NCAM2: variants seen among roughly 807,000 people sequenced by gnomAD.
The protein encoded by NCAM2 is N-CAM-2.
Under a neutral mutation model 98.1 loss-of-function variants are expected in NCAM2, and 30 were observed. The observed-to-expected ratio is 0.31, with a 90% CI of 0.23 to 0.41. The LOEUF (loss-of-function observed/expected upper bound fraction) is 0.41. Ranked by LOEUF, NCAM2 falls within the 10% of genes least tolerant of loss-of-function variation. The pLI is 1.00. For synonymous variants in NCAM2, 368 were observed against 342.4 expected, an observed-to-expected ratio of 1.07 and a Z score of -0.83; for missense variants, 867 against 1,005.8, an observed-to-expected ratio of 0.86 and a Z score of 1.87.
intron 1 of NCAM2, among the ~76,000 whole-genome samples, chr21:21,118,387 T>A (rs971484052): frequency 6.6e-6 from 1 of 152,102 alleles, no homozygotes; most frequent in Non-Finnish European, 1.5e-5. Context: ...AGTGCCTTAG[T>A]AGTTCAGGAA....
At chr21:21,414,907 A>T (rs1006248521) in intron 10 of NCAM2, among the ~76,000 whole-genome samples, 1 of 151,816 alleles carries the variant, frequency 6.6e-6, no homozygotes, top group Non-Finnish European at 1.5e-5. Flanking sequence ...CTCTTGGGTG[A>T]CTAGGTACAT....
intron 1 of NCAM2, among the ~76,000 whole-genome samples, chr21:21,219,109 G>A (rs1186556369): frequency 2.6e-5 from 4 of 152,194 alleles, no homozygotes; most frequent in Admixed American, 1.3e-4. Context: ...GGCTTTGAAT[G>A]CAGCCCAACA....
intron 1 of NCAM2, among the ~76,000 whole-genome samples, chr21:21,169,717 G>T (rs35841051): frequency 0.43 from 65,841 of 151,970 alleles, 15,422 homozygotes; most frequent in South Asian, 0.59. Flanking sequence ...GGGAGGCTGA[G>T]ACTGGAGGAT....
At chr21:21,510,147 T>G (rs1243439410) in intron 16 of NCAM2, among the ~76,000 whole-genome samples, 1 of 152,184 alleles carries the variant, frequency 6.6e-6, no homozygotes, top group Non-Finnish European at 1.5e-5. Context: ...CCCTACATAA[T>G]TCAACTTGCA....
intron 10 of NCAM2, among the ~76,000 whole-genome samples, chr21:21,411,103 C>T (rs13051337): frequency 3.2e-4 from 22 of 69,612 alleles, no homozygotes; most frequent in Middle Eastern, 8.5e-3. Context: ...TATATATATA[C>T]ATATATATGT....
At chr21:21,157,726 A>G (rs1473912927) in intron 1 of NCAM2, among the ~76,000 whole-genome samples, 1 of 152,100 alleles carries the variant, frequency 6.6e-6, no homozygotes, top group African/African-American at 2.4e-5. Flanking sequence ...CAAGACAGAC[A>G]TTTTTACTAC....
intron 1 of NCAM2, among the ~76,000 whole-genome samples, chr21:21,096,270 A>C (rs1449798396): frequency 6.6e-6 from 1 of 151,632 alleles, no homozygotes; most frequent in Non-Finnish European, 1.5e-5. Context: ...CTTTATTTGC[A>C]TATGTGAATT....
At chr21:21,352,099 CT>C (rs549158147) in intron 8 of NCAM2, among the ~76,000 whole-genome samples, 17 of 151,834 alleles carry the variant, frequency 1.1e-4, no homozygotes, top group Non-Finnish European at 2.5e-4. Context: ...AAGGGTCTTG[CT>C]TTGTCACACA....
intron 1 of NCAM2, among the ~76,000 whole-genome samples, chr21:21,114,584 A>G (rs11910602): frequency 6.6e-6 from 1 of 152,164 alleles, no homozygotes; most frequent in African/African-American, 2.4e-5. Context: ...TCTAAAGAGC[A>G]TGGCAGAACA....
chr21:21,312,773 A>G (rs988863008), intron 5 of NCAM2, among the ~76,000 whole-genome samples: 2 of 151,908 alleles, frequency 1.3e-5, no homozygotes, highest in East Asian at 3.8e-4. Context: ...ATATTTTCTG[A>G]AAGAGATTTT....
At chr21:21,306,615 A>T (rs2073887203) in intron 5 of NCAM2, among the ~76,000 whole-genome samples, 1 of 152,184 alleles carries the variant, frequency 6.6e-6, no homozygotes, top group Admixed American at 6.6e-5. Context: ...ATTTTCTGAT[A>T]CAAGGATGCA....
At chr21:21,442,995 T>C (rs1979534094) in intron 12 of NCAM2, among the ~76,000 whole-genome samples, 1 of 152,146 alleles carries the variant, frequency 6.6e-6, no homozygotes, top group Non-Finnish European at 1.5e-5. Flanking sequence ...TTTCCTGCTT[T>C]CTCTTGTGGG....
At chr21:21,277,058 C>T (rs1174640492) in intron 1 of NCAM2, among the ~76,000 whole-genome samples, 1 of 151,964 alleles carries the variant, frequency 6.6e-6, no homozygotes, top group Non-Finnish European at 1.5e-5. Context: ...TTTATAAACC[C>T]TTCCTTAGAA....
rs1180032844 is a variant in NCAM2, at chr21:20,998,551, T to A, written c.-13T>A. The A allele has an allele frequency of 1.2e-6, 2 of 1,613,594 alleles. No homozygotes were observed. Among genetic ancestry groups the A allele is most frequent in the Non-Finnish European group, 1.7e-6 (2 of 1,179,698 alleles). ...ATAACTTTGAAACTGTCCACCGGTG[T>A]CACGTCCTGAACATGAGCCTCCTCC... On this transcript the variant is annotated 5_prime_UTR_variant, in exon 1 of 18. Coordinates refer to ENST00000400546, the MANE Select transcript of NCAM2 (RefSeq NM_004540.5).
intron 1 of NCAM2, among the ~76,000 whole-genome samples, chr21:21,142,788 C>T (rs145725824): frequency 0.012 from 1,866 of 152,246 alleles, 13 homozygotes; most frequent in Non-Finnish European, 0.02. Context: ...GTATTATATG[C>T]ACTTTTATTT....
chr21:21,333,024 CT>C (rs994434918), intron 6 of NCAM2, among the ~76,000 whole-genome samples: 1 of 152,142 alleles, frequency 6.6e-6, no homozygotes, highest in Non-Finnish European at 1.5e-5. Context: ...AAAGGGGACG[CT>C]TAGAGAAGTG....
chr21:21,295,774 A>G (rs1001460742), intron 5 of NCAM2, among the ~76,000 whole-genome samples: 4 of 151,750 alleles, frequency 2.6e-5, no homozygotes. Context: ...GAGATTTTAA[A>G]GTTGTTATCA....
At chr21:21,077,057 T>G (rs923505366) in intron 1 of NCAM2, among the ~76,000 whole-genome samples, 4 of 152,180 alleles carry the variant, frequency 2.6e-5, no homozygotes, top group African/African-American at 7.2e-5. Flanking sequence ...TGAATCATTT[T>G]CTACCACACA....
intron 6 of NCAM2, among the ~76,000 whole-genome samples, chr21:21,332,010 C>A (rs544860013): frequency 6.6e-6 from 1 of 151,998 alleles, no homozygotes; most frequent in Non-Finnish European, 1.5e-5. Flanking sequence ...TCAAGTGATT[C>A]TCTTGCTTCA....
Sources: gnomAD v4.1 joint callset for allele counts (sites outside exome capture counted in the v4.1 genomes callset) on GRCh38, gnomAD v4.1.1 for gene constraint, MANE v1.5 for transcripts, NCBI Gene and HGNC (gene_info 2026-07-23, HGNC 2026-07-21) for gene names.